The following ZNF420 variants were observed in gnomAD, a reference collection of about 807,000 sequenced individuals.
The protein encoded by ZNF420 is zinc finger protein 420.
ZNF420 carries 31 observed loss-of-function variants against 44.7 expected under a neutral mutation model. That is an observed-to-expected ratio of 0.69 (90% CI 0.52 to 0.94). ZNF420 has a LOEUF of 0.94. Ranked by LOEUF, ZNF420 falls within the 40% of genes least tolerant of loss-of-function variation. ZNF420 has a pLI of 0.00. For missense variants in ZNF420, 681 were observed against 827.9 expected (o/e 0.82, Z 2.18); for synonymous variants, 245 against 267.4 (o/e 0.92, Z 0.82).
chr19:37,059,903 C>G (rs1455424192), intron 1 of ZNF420, among the ~76,000 whole-genome samples: 1 of 152,014 alleles, frequency 6.6e-6, no homozygotes, highest in Non-Finnish European at 1.5e-5. Flanking sequence ...GTTTCTCTCT[C>G]TCCCTCTGTC....
In ZNF420 at chr19:37,128,566, C is replaced by T; in HGVS notation, c.1575C>T (p.His525=). 5.6e-6 allele frequency: 9 copies of T among 1,612,378 alleles called. No individual in the cohort carries two copies. The highest frequency in any genetic ancestry group is 7.6e-6 in the Non-Finnish European group (9 of 1,179,520). Residue 525 remains histidine (H), a synonymous_variant, in exon 5 of 5, where the codon CAC becomes CAT. Transcript: ENST00000337995. The stretch of plus-strand genomic sequence containing the variant: ...ATCTTTCCCAACATCAAAGACTTCA[C>T]ACTGGTGAGAAACCCTATGTGTGTA... ...SSHLSQHQRL[H]TGEKPYVCNE... is the part of the protein sequence containing the mutation.
chr19:37,021,609 C>G (rs888586812), intron 1 of ZNF420, among the ~76,000 whole-genome samples: 2 of 152,006 alleles, frequency 1.3e-5, no homozygotes, highest in South Asian at 2.1e-4. Context: ...TCAGAGTTTC[C>G]CAATCAAATG....
chr19:37,035,712 G>A (rs1292513447), intron 1 of ZNF420, among the ~76,000 whole-genome samples: 1 of 152,042 alleles, frequency 6.6e-6, no homozygotes, highest in African/African-American at 2.4e-5. Flanking sequence ...TACAAAATGG[G>A]AATATTAAGA....
chr19:37,016,525 C>T (rs2074609991), intron 1 of ZNF420, among the ~76,000 whole-genome samples: 1 of 152,190 alleles, frequency 6.6e-6, no homozygotes, highest in Non-Finnish European at 1.5e-5. Flanking sequence ...CCTCATTGCC[C>T]ATTGGGAGCA....
At chr19:37,051,194 G>A (rs1211583907) in intron 1 of ZNF420, among the ~76,000 whole-genome samples, 1 of 152,112 alleles carries the variant, frequency 6.6e-6, no homozygotes, top group Non-Finnish European at 1.5e-5. Flanking sequence ...TTTTTGTTGT[G>A]TCTCTGCCAG....
intron 1 of ZNF420, among the ~76,000 whole-genome samples, chr19:37,049,873 A>G (rs1441827029): frequency 6.6e-6 from 1 of 152,136 alleles, no homozygotes; most frequent in East Asian, 1.9e-4. Flanking sequence ...TCTTCAATCC[A>G]TCTTGAATTA....
chr19:37,067,483 G>A (rs1459431079), intron 1 of ZNF420, among the ~76,000 whole-genome samples: 1 of 152,092 alleles, frequency 6.6e-6, no homozygotes, highest in Non-Finnish European at 1.5e-5. Context: ...AGCAAATACA[G>A]CATGATATTC....
At chr19:37,019,170 A>G (rs556530667) in intron 1 of ZNF420, among the ~76,000 whole-genome samples, 3 of 152,310 alleles carry the variant, frequency 2.0e-5, no homozygotes, top group Admixed American at 1.3e-4. Context: ...CAACAATTAA[A>G]AGGGTCCAAA....
chr19:37,122,217 T>TG (rs1242823316), intron 4 of ZNF420, among the ~76,000 whole-genome samples: 138 of 152,286 alleles, frequency 9.1e-4, no homozygotes, highest in African/African-American at 3.2e-3. Flanking sequence ...CCAACCCAAA[T>TG]GTCCAACAAT....
chr19:37,115,695 A>G (rs751479638), intron 4 of ZNF420, among the ~76,000 whole-genome samples: 8 of 151,840 alleles, frequency 5.3e-5, no homozygotes, highest in South Asian at 2.1e-4. Flanking sequence ...TCTTATCTCA[A>G]CTGCAGAGAG....
At chr19:37,013,147 A>AT (rs1340035063) in intron 1 of ZNF420, among the ~76,000 whole-genome samples, 2 of 151,980 alleles carry the variant, frequency 1.3e-5, no homozygotes, top group East Asian at 2.0e-4. Context: ...ACTTAAGCAC[A>AT]TTTTTTAAAG....
At chr19:37,117,049 G>T (rs1176388315) in intron 4 of ZNF420, among the ~76,000 whole-genome samples, 1 of 152,214 alleles carries the variant, frequency 6.6e-6, no homozygotes, top group Non-Finnish European at 1.5e-5. Flanking sequence ...CAAACAAAAA[G>T]ACAGCAGTAA....
intron 1 of ZNF420, among the ~76,000 whole-genome samples, chr19:37,026,188 G>T (rs1370848614): frequency 1.3e-5 from 2 of 151,124 alleles, no homozygotes; most frequent in South Asian, 2.1e-4. Flanking sequence ...GGGGTTGGGG[G>T]GTGACACATC....
At chr19:37,010,018 G>C (rs1286934507) in intron 1 of ZNF420, among the ~76,000 whole-genome samples, 1 of 152,204 alleles carries the variant, frequency 6.6e-6, no homozygotes, top group Non-Finnish European at 1.5e-5. Context: ...CATTGTTCGA[G>C]GGGGCCTCAG....
chr19:37,063,812 T>C (rs575394500), intron 1 of ZNF420, among the ~76,000 whole-genome samples: 2 of 152,328 alleles, frequency 1.3e-5, no homozygotes, highest in Admixed American at 1.3e-4. Context: ...ATTTATTTGT[T>C]ATGACCATCG....
intron 1 of ZNF420, among the ~76,000 whole-genome samples, chr19:37,065,003 CA>C (rs1967943466): frequency 6.6e-6 from 1 of 152,158 alleles, no homozygotes. Flanking sequence ...GGTAATCCAA[CA>C]AAGAAACAGG....
At chr19:37,032,602 C>G (rs571308266) in intron 1 of ZNF420, among the ~76,000 whole-genome samples, 7 of 151,356 alleles carry the variant, frequency 4.6e-5, no homozygotes, top group Non-Finnish European at 1.0e-4. Context: ...GTCAGGAGTT[C>G]GAGACAAGCC....
intron 1 of ZNF420, among the ~76,000 whole-genome samples, chr19:37,050,282 A>C (rs1268696575): frequency 3.9e-5 from 6 of 152,190 alleles, no homozygotes; most frequent in Non-Finnish European, 8.8e-5. Flanking sequence ...TGGGGATGGC[A>C]TTGAATCTAT....
chr19:37,083,762 A>C (rs1968604455), intron 2 of ZNF420, among the ~76,000 whole-genome samples: 2 of 152,152 alleles, frequency 1.3e-5, no homozygotes, highest in Admixed American at 1.3e-4. Flanking sequence ...AAAATCAGCC[A>C]CTTCTTTATG....
Sources: allele counts gnomAD v4.1 joint callset (sites outside exome capture counted in the v4.1 genomes callset), GRCh38; gene constraint gnomAD v4.1.1; transcripts MANE v1.5; gene names NCBI Gene and HGNC (gene_info 2026-07-23, HGNC 2026-07-21).